Variants in MED15 observed in about 807,000 individuals in gnomAD.
MED15 encodes mediator of RNA polymerase II transcription subunit 15.
In MED15, 41 loss-of-function variants were observed where a neutral mutation model predicts 118.7. The observed-to-expected ratio is 0.35, with a 90% CI of 0.27 to 0.45. MED15 has a LOEUF of 0.45. Among genes scored for constraint, MED15 ranks in the 20% least tolerant of loss-of-function variants. MED15 has a pLI of 1.00. For missense variants in MED15, 740 were observed against 1,025.5 expected, an observed-to-expected ratio of 0.72 and a Z score of 3.80; for synonymous variants, 436 against 413.9, an observed-to-expected ratio of 1.05 and a Z score of -0.65.
Position 20,587,044 on chromosome 22 carries a change from T to TTA in MED15, c.*340_*341insTA, listed in dbSNP as rs1223598802. 5.3e-6 allele frequency: 2 copies of TTA among 375,530 alleles called. No individual in the cohort carries two copies. Among genetic ancestry groups the TTA allele is most frequent in the Non-Finnish European group, 1.0e-5 (2 of 200,588 alleles). 23.3% of individuals were successfully genotyped at this position (375,530 alleles called of 1,614,324 possible). On this transcript the variant is annotated 3_prime_UTR_variant, in exon 18 of 18. Transcript: ENST00000263205. ...CAGCGTGAGGGTGCACTCAGGGTGT[T>TTA]GTTAGAGCGTCTCGTGTGTGCTAGA...
intron 1 of MED15, chr22:20,508,247 C>G (rs1425474637): frequency 7.8e-7 from 1 of 1,279,614 alleles, no homozygotes; most frequent in South Asian, 1.3e-5. Context: ...GGTGACCCCC[C>G]GAAGGAATGT....
intron 1 of MED15, among the ~76,000 whole-genome samples, chr22:20,529,085 G>C (rs749394372): frequency 6.6e-6 from 1 of 152,168 alleles, no homozygotes; most frequent in Non-Finnish European, 1.5e-5. Flanking sequence ...TGCTGTGTAC[G>C]TTACCACTGG....
intron 1 of MED15, among the ~76,000 whole-genome samples, chr22:20,533,820 A>G (rs2054947522): frequency 6.6e-6 from 1 of 152,174 alleles, no homozygotes; most frequent in South Asian, 2.1e-4. Flanking sequence ...CCCCTGGTGT[A>G]TGGTGCCACC....
rs2057111593 is a variant in MED15 at position 20,585,637 on chromosome 22, C to T, written c.2132-91C>T. On this transcript the variant is annotated intron_variant, in intron 16 of 17. Transcript: ENST00000263205. ...TTGCCACAAGCTTCACCAGAACCTCCCTGGGTGTGGAGTCCTGTTCCAGAG... is the reference window on the plus strand; with the variant it reads ...TTGCCACAAGCTTCACCAGAACCTCTCTGGGTGTGGAGTCCTGTTCCAGAG... 6.6e-6 allele frequency: 8 copies of T among 1,220,862 alleles called. No individual in the cohort carries two copies. The Admixed American group carries it at 7.2e-5, about 11-fold the overall frequency. 75.6% of individuals were successfully genotyped at this position (1,220,862 alleles called of 1,614,324 possible).
In MED15 at chr22:20,555,165, T is replaced by C. The variant is rs202092570; in HGVS notation, c.451+17T>C. 18 of 1,561,212 alleles carry C rather than the reference T, an allele frequency of 1.2e-5. No individual in the cohort carries two copies. The East Asian group carries it at 1.2e-4, about 10-fold the overall frequency. ...CTCCACAGAGTGAGTACCACACTTCTTGGAGGATTTGCCGCTTTCCTTGCA... is the reference window on the plus strand; with the variant it reads ...CTCCACAGAGTGAGTACCACACTTCCTGGAGGATTTGCCGCTTTCCTTGCA... On this transcript the variant is annotated intron_variant, in intron 5 of 17. Transcript: ENST00000263205.
At chr22:20,540,827 A>G (rs544327408) in intron 2 of MED15, among the ~76,000 whole-genome samples, 1 of 152,212 alleles carries the variant, frequency 6.6e-6, no homozygotes, top group South Asian at 2.1e-4. Flanking sequence ...GATGGGAGAA[A>G]ATATTTGCAA....
In MED15 at chr22:20,585,005, C is replaced by T. The variant is rs936628826; in HGVS notation, c.1954C>T (p.Pro652Ser). 6.2e-6 allele frequency: 10 copies of T among 1,613,938 alleles called. No individual in the cohort carries two copies. The highest frequency in any genetic ancestry group is 1.7e-5 in the Admixed American group (1 of 60,006). Reference sequence around the variant, plus strand: ...TCCAGCCATGACCGCCATTCACGGCCCACCCATCACGTATGTCCAGCTGGG... The same window carrying T: ...TCCAGCCATGACCGCCATTCACGGCTCACCCATCACGTATGTCCAGCTGGG... Reference protein sequence around the residue: ...FVPAMTAIHGPPITAPVVCTR... With the variant: ...FVPAMTAIHGSPITAPVVCTR... Residue 652 changes from proline (P) to serine (S), a missense_variant, in exon 15 of 18, where the codon CCA (proline) becomes TCA (serine). Physicochemically the swap from Pro to Ser is moderately conservative, Grantham distance 74. Around this residue, in one of 7 missense-constraint regions of MED15, gnomAD observed 179 missense variants for 259.0 expected, o/e 0.69. Transcript: ENST00000263205.
Position 20,586,839 on chromosome 22 carries a change from G to A in MED15, c.*135G>A. 1.5e-6 allele frequency: 2 copies of A among 1,336,140 alleles called. No individual in the cohort carries two copies. The highest frequency in any genetic ancestry group is 2.0e-6 in the Non-Finnish European group (2 of 994,064). 82.8% of individuals were successfully genotyped at this position (1,336,140 alleles called of 1,614,324 possible). ...TCCTGCTTTTATCTTCTGCCTTGGGGACCTGCCAAACGAAATCCCACACCT... is the reference window on the plus strand; with the variant it reads ...TCCTGCTTTTATCTTCTGCCTTGGGAACCTGCCAAACGAAATCCCACACCT... On this transcript the variant is annotated 3_prime_UTR_variant, in exon 18 of 18. Coordinates refer to ENST00000263205, the MANE Select transcript of MED15 (RefSeq NM_001003891.3).
intron 1 of MED15, among the ~76,000 whole-genome samples, chr22:20,515,141 C>G (rs1051732753): frequency 1.3e-5 from 2 of 152,166 alleles, no homozygotes; most frequent in African/African-American, 4.8e-5. Context: ...GGACTTGAGC[C>G]CTCAGTCATC....
intron 1 of MED15, among the ~76,000 whole-genome samples, chr22:20,523,358 T>TA (rs111802725): frequency 6.4e-4 from 97 of 150,816 alleles, no homozygotes; most frequent in South Asian, 4.4e-3. Flanking sequence ...CCTTTTTTTT[T>TA]AAAAAAAAAG....
At chr22:20,547,295 C>A (rs2055581817) in intron 2 of MED15, among the ~76,000 whole-genome samples, 1 of 152,108 alleles carries the variant, frequency 6.6e-6, no homozygotes, top group Non-Finnish European at 1.5e-5. Context: ...CAAAAGATTT[C>A]TTTTCTCTAT....
intron 1 of MED15, among the ~76,000 whole-genome samples, chr22:20,525,193 A>T (rs536924157): frequency 6.6e-6 from 1 of 152,114 alleles, no homozygotes; most frequent in African/African-American, 2.4e-5. Flanking sequence ...CGGGAGACTG[A>T]GGAGGGAGGA....
rs758711395 is a variant in MED15 at position 20,582,633 on chromosome 22, T to C, written c.1295T>C (p.Met432Thr). The change falls in exon 10 of 18, where the codon ATG becomes ACG. Residue 432 changes from methionine (M) to threonine (T), a missense_variant. By Grantham distance (81) the Met-to-Thr change is moderately conservative. This residue lies in a region of MED15 where 384 missense variants were observed against 506.3 expected (regional missense o/e 0.76). Transcript: ENST00000263205. ...CAGGTCAGCCAGAGCAGCCTCCCCATGCTGTCCTCGCCGTCACCGGGCCAG... is the reference window on the plus strand; with the variant it reads ...CAGGTCAGCCAGAGCAGCCTCCCCACGCTGTCCTCGCCGTCACCGGGCCAG... ...MAQVSQSSLP[M>T]LSSPSPGQQV... 7 of 1,572,002 alleles carry C rather than the reference T, an allele frequency of 4.5e-6. 1 individual carries two copies. The South Asian group carries it at 5.7e-5, about 13-fold the overall frequency.
intron 6 of MED15, among the ~76,000 whole-genome samples, chr22:20,566,030 CTTTT>C (rs555771579): frequency 0.21 from 25,166 of 119,498 alleles, 2,417 homozygotes; most frequent in South Asian, 0.28. Flanking sequence ...CCAGGAAGGC[CTTTT>C]TTTTTTTTTT....
chr22:20,548,427 A>G (rs928700260), intron 2 of MED15, among the ~76,000 whole-genome samples: 4 of 152,068 alleles, frequency 2.6e-5, no homozygotes, highest in Non-Finnish European at 5.9e-5. Context: ...GGCCTCCCAA[A>G]GTGCTGGGAT....
intron 14 of MED15, 186 bp from the exon 15 acceptor site, chr22:20,584,669 G>C: frequency 1.1e-6 from 1 of 883,486 alleles, no homozygotes; most frequent in East Asian, 2.6e-5. Flanking sequence ...GGGACTGTAG[G>C]GAGGATAGGC....
At chr22:20,572,807 C>A (rs2056706865) in intron 8 of MED15, among the ~76,000 whole-genome samples, 1 of 152,168 alleles carries the variant, frequency 6.6e-6, no homozygotes, top group Non-Finnish European at 1.5e-5. Context: ...TGTCTGCAGT[C>A]CCTGCTACTC....
rs181459018 is a variant in MED15, at chr22:20,518,923, G to A, written c.68+11177G>A. On this transcript the variant is annotated intron_variant, in intron 1 of 17. Transcript: ENST00000263205. ...GCTGAAGTGCAGTGGCGTGATTGTG[G>A]CTCACTGCAACCTCCACCTCCTGGG... The A allele has an allele frequency of 4.5e-4, 202 of 449,008 alleles. 2 individuals are homozygous for A. The Admixed American group carries it at 4.7e-3, about 10-fold the overall frequency. 27.8% of individuals were successfully genotyped at this position (449,008 alleles called of 1,614,324 possible). A position where few individuals can be genotyped will look rare whatever the true frequency, so the allele number is the denominator to read the frequency against.
chr22:20,543,597 G>A (rs6001902), intron 2 of MED15, among the ~76,000 whole-genome samples: 3,799 of 150,276 alleles, frequency 0.025, 162 homozygotes, highest in African/African-American at 0.088. Flanking sequence ...TCACTCTGTC[G>A]CCCAGGCTGG....
Sources: allele counts gnomAD v4.1 joint callset (sites outside exome capture counted in the v4.1 genomes callset), GRCh38; gene constraint gnomAD v4.1.1; regional missense constraint gnomAD v4.1.1; transcripts MANE v1.5; gene names NCBI Gene and HGNC (gene_info 2026-07-23, HGNC 2026-07-21).